The following TBC1D2 variants were observed in gnomAD, a reference collection of about 807,000 sequenced individuals.
TBC1D2 encodes TBC1 domain family member 2A.
Under a neutral mutation model 91.1 loss-of-function variants are expected in TBC1D2, and 58 were observed. That is an observed-to-expected ratio of 0.64 (90% CI 0.52 to 0.79). The LOEUF (loss-of-function observed/expected upper bound fraction) is 0.79. Ranked by LOEUF, TBC1D2 falls within the 30% of genes least tolerant of loss-of-function variation. TBC1D2 has a pLI of 0.00. For missense variants in TBC1D2, 1,080 were observed against 1,208.3 expected, an observed-to-expected ratio of 0.89 and a Z score of 1.57; for synonymous variants, 482 against 511.5, an observed-to-expected ratio of 0.94 and a Z score of 0.78.
Position 98,200,343 on chromosome 9 carries a change from T to C in TBC1D2, c.2489A>G (p.Lys830Arg). Reference protein sequence around the residue: ...VVFRYALAIFKYNEKEILRLQ... With the variant: ...VVFRYALAIFRYNEKEILRLQ... ...CCTCAAGATCTCCTTCTCGTTGTAC[T>C]TGAAAATGGCCAAGGCATAGCGAAA... is the stretch of plus-strand genomic sequence containing the variant. Residue 830 changes from lysine (K) to arginine (R), a missense_variant, in exon 12 of 13, where the codon AAG (lysine) becomes AGG (arginine). Transcript: ENST00000465784. 5 of 1,609,758 alleles carry C rather than the reference T, an allele frequency of 3.1e-6. No individual in the cohort carries two copies. The highest frequency in any genetic ancestry group is 4.2e-6 in the Non-Finnish European group (5 of 1,178,474).
intron 7 of TBC1D2, 76 bp downstream of exon 7, chr9:98,213,032 G>A (rs983965130): frequency 1.3e-6 from 2 of 1,504,080 alleles, no homozygotes; most frequent in Non-Finnish European, 1.8e-6. Context: ...TGAGGAGAGT[G>A]AGACGGAGTG....
intron 3 of TBC1D2, among the ~76,000 whole-genome samples, chr9:98,242,798 G>T (rs1829674173): frequency 1.6e-5 from 2 of 129,006 alleles, no homozygotes; most frequent in East Asian, 2.1e-4. Flanking sequence ...AGGCCACACT[G>T]CTGCCTTTTT....
intron 3 of TBC1D2, among the ~76,000 whole-genome samples, chr9:98,233,887 C>T (rs1015616190): frequency 3.3e-5 from 5 of 152,172 alleles, no homozygotes; most frequent in African/African-American, 7.2e-5. Flanking sequence ...AATGCCTAAA[C>T]GGTGCCCAAA....
At chr9:98,242,734 A>G (rs1829672131) in intron 3 of TBC1D2, among the ~76,000 whole-genome samples, 1 of 150,928 alleles carries the variant, frequency 6.6e-6, no homozygotes, top group South Asian at 2.1e-4. Context: ...ACAGCAGCAC[A>G]GCCATGACTG....
rs761745043 is a variant in TBC1D2, at chr9:98,229,026, G to A, written c.904C>T (p.Arg302Ter). 3.1e-6 allele frequency: 5 copies of A among 1,614,084 alleles called. No homozygotes were observed. Among genetic ancestry groups the A allele is most frequent in the East Asian group, 2.2e-5 (1 of 44,892 alleles). The change falls in exon 5 of 13, where the codon CGA becomes TGA. Residue 302 changes from arginine to a stop codon, truncating the protein, a stop_gained. Transcript: ENST00000465784. LOFTEE classifies it high-confidence loss of function. ...GCTGCCACTTTCTCCTGGGCAGTTC[G>A]GTTCCGTGTGATTCCTTCAGAAAAG... ...PFFSEGITRN[R>*]TAQEKVAALE...
intron 8 of TBC1D2, among the ~76,000 whole-genome samples, chr9:98,209,990 C>CT (rs756153569): frequency 0.024 from 3,376 of 140,618 alleles, 129 homozygotes; most frequent in African/African-American, 0.076. Flanking sequence ...CACCACTCTT[C>CT]TTTTTTTTTT....
intron 2 of TBC1D2, among the ~76,000 whole-genome samples, chr9:98,244,349 T>C (rs1384865790): frequency 2.0e-5 from 3 of 152,118 alleles, no homozygotes; most frequent in Non-Finnish European, 4.4e-5. Context: ...ACAGCCCTCC[T>C]GCAAACCCCT....
chr9:98,220,758 G>T, intron 6 of TBC1D2, 75 bp downstream of exon 6: 4 of 1,564,978 alleles, frequency 2.6e-6, no homozygotes, highest in Non-Finnish European at 3.5e-6. Context: ...ACCCTTAGGG[G>T]TGGAGAGCGC....
intron 5 of TBC1D2, among the ~76,000 whole-genome samples, chr9:98,222,590 G>A (rs1043974743): frequency 7.2e-5 from 11 of 152,230 alleles, no homozygotes; most frequent in Non-Finnish European, 1.5e-4. Flanking sequence ...GGCCACGCCT[G>A]GACTCAGGCC....
chr9:98,249,652 A>G (rs1193911809), intron 2 of TBC1D2, among the ~76,000 whole-genome samples: 1 of 152,170 alleles, frequency 6.6e-6, no homozygotes, highest in Admixed American at 6.5e-5. Flanking sequence ...ACTCCAAAGA[A>G]ATTACTAATG....
rs781476687 is a variant in TBC1D2, at chr9:98,201,460, TC to T, written c.2457+18del. On this transcript the variant is annotated intron_variant, in intron 11 of 12. Transcript: ENST00000465784. ...GACTTGCTCAGGGGCCCCCTGCCCA[TC>T]CCCTGGCTGCACCCTACCTTCGTCC... The T allele has an allele frequency of 3.1e-6, 5 of 1,608,382 alleles. No individual in the cohort carries two copies. The South Asian group carries it at 5.5e-5, about 18-fold the overall frequency.
In TBC1D2 at chr9:98,226,877, T is replaced by C. The variant is rs78098051; in HGVS notation, c.978+2075A>G. On this transcript the variant is annotated intron_variant, in intron 5 of 12. Coordinates refer to ENST00000465784, the MANE Select transcript of TBC1D2 (RefSeq NM_001267571.2). ...TATTAATCTCCAAGAATCTTGCCTT[T>C]ATTTATTGAAGAATGATGAGTCCTC... is the stretch of plus-strand genomic sequence containing the variant. 4.4e-3 allele frequency among the ~76,000 whole-genome samples: 671 copies of C among 152,330 alleles called. 6 individuals are homozygous for C. The highest frequency in any genetic ancestry group is 0.015 in the African/African-American group (620 of 41,566).
intron 3 of TBC1D2, among the ~76,000 whole-genome samples, chr9:98,240,117 T>C (rs1401884446): frequency 1.3e-5 from 2 of 152,134 alleles, no homozygotes; most frequent in Admixed American, 1.3e-4. Context: ...TCAAAGAATC[T>C]CTATTGATCT....
At chr9:98,250,155 G>A (rs967069891) in intron 2 of TBC1D2, among the ~76,000 whole-genome samples, 2 of 152,178 alleles carry the variant, frequency 1.3e-5, no homozygotes, top group African/African-American at 4.8e-5. Context: ...GGCAATGCTG[G>A]AGCTTGGCCA....
chr9:98,209,956 G>A (rs1418268794), intron 8 of TBC1D2, among the ~76,000 whole-genome samples: 1 of 129,552 alleles, frequency 7.7e-6, no homozygotes. Context: ...AGCCTTCCGA[G>A]TAGCTGGGAC....
intron 3 of TBC1D2, among the ~76,000 whole-genome samples, chr9:98,237,058 C>T (rs561432220): frequency 2.6e-5 from 4 of 152,102 alleles, no homozygotes; most frequent in South Asian, 2.1e-4. Flanking sequence ...AGACTTTGGC[C>T]GGGTGCAGTG....
At chr9:98,206,445 C>A (rs1241264417) in intron 9 of TBC1D2, among the ~76,000 whole-genome samples, 2 of 152,294 alleles carry the variant, frequency 1.3e-5, no homozygotes, top group Admixed American at 6.5e-5. Context: ...GTGCTGCCTC[C>A]TTCCACACAG....
chr9:98,224,009 C>T, intron 5 of TBC1D2, among the ~76,000 whole-genome samples: 1 of 152,008 alleles, frequency 6.6e-6, no homozygotes, highest in East Asian at 1.9e-4. Context: ...ACCATCCTGG[C>T]TAACATGGTG....
intron 10 of TBC1D2, among the ~76,000 whole-genome samples, 173 bp downstream of exon 10, chr9:98,203,115 A>T (rs886644735): frequency 3.3e-5 from 5 of 152,376 alleles, no homozygotes; most frequent in South Asian, 2.1e-4. Context: ...TCCCCGATTG[A>T]AGCTGTTGTT....
Sources: allele counts gnomAD v4.1 joint callset (sites outside exome capture counted in the v4.1 genomes callset), GRCh38; gene constraint gnomAD v4.1.1; transcripts MANE v1.5; gene names NCBI Gene and HGNC (gene_info 2026-07-23, HGNC 2026-07-21).